The following GPATCH2 variants were observed in gnomAD, a reference collection of about 807,000 sequenced individuals.
GPATCH2 encodes G patch domain-containing protein 2.
Under a neutral mutation model 58.0 loss-of-function variants are expected in GPATCH2, and 51 were observed. The ratio of observed to expected loss-of-function variants is 0.88; its 90% CI spans 0.70 to 1.11. The LOEUF (loss-of-function observed/expected upper bound fraction) is 1.11, where lower values mean the gene tolerates loss of function less well. Among genes scored for constraint, GPATCH2 ranks in the 50% most tolerant of loss-of-function variants. The pLI is 0.00. For synonymous variants in GPATCH2, 222 were observed against 218.5 expected (o/e 1.02, Z -0.14); for missense variants, 625 against 652.2 (o/e 0.96, Z 0.45).
intron 9 of GPATCH2, among the ~76,000 whole-genome samples, chr1:217,432,626 T>C (rs371798029): frequency 2.6e-5 from 4 of 152,176 alleles, no homozygotes; most frequent in Non-Finnish European, 4.4e-5. Context: ...AAAGGGAATA[T>C]AGTAAATCTG....
chr1:217,466,939 G>C (rs1160429400), intron 8 of GPATCH2, among the ~76,000 whole-genome samples: 1 of 152,218 alleles, frequency 6.6e-6, no homozygotes, highest in Non-Finnish European at 1.5e-5. Flanking sequence ...TTGCGAGGCT[G>C]AGGCAGGCGG....
At chr1:217,524,251 C>T (rs1342426478) in intron 5 of GPATCH2, among the ~76,000 whole-genome samples, 1 of 149,206 alleles carries the variant, frequency 6.7e-6, no homozygotes, top group Non-Finnish European at 1.5e-5. Context: ...GGTCTCCTCA[C>T]TTCTCAGACG....
intron 2 of GPATCH2, among the ~76,000 whole-genome samples, chr1:217,616,973 A>G (rs1022916745): frequency 1.3e-5 from 2 of 152,158 alleles, no homozygotes; most frequent in Non-Finnish European, 2.9e-5. Context: ...CTCTGCTATC[A>G]TATCGTAATT....
intron 8 of GPATCH2, among the ~76,000 whole-genome samples, chr1:217,459,268 T>C (rs1660092773): frequency 6.6e-6 from 1 of 152,196 alleles, no homozygotes; most frequent in Non-Finnish European, 1.5e-5. Flanking sequence ...CATAACCTAA[T>C]GTAGGAAATG....
At chr1:217,604,615 T>A (rs908734644) in intron 5 of GPATCH2, among the ~76,000 whole-genome samples, 5 of 152,196 alleles carry the variant, frequency 3.3e-5, no homozygotes, top group African/African-American at 1.2e-4. Flanking sequence ...CATGGTCAAA[T>A]TACAGTTGAG....
At chr1:217,499,405 C>T (rs988994043) in intron 6 of GPATCH2, among the ~76,000 whole-genome samples, 12 of 152,118 alleles carry the variant, frequency 7.9e-5, no homozygotes, top group African/African-American at 2.4e-4. Flanking sequence ...CACCACACCA[C>T]GCTGCAGAAG....
At chr1:217,530,990 T>C (rs572637654) in intron 5 of GPATCH2, among the ~76,000 whole-genome samples, 1 of 152,018 alleles carries the variant, frequency 6.6e-6, no homozygotes, top group Admixed American at 6.6e-5. Context: ...TACATGGTAT[T>C]CAGTTGTTGG....
At chr1:217,581,186 G>A (rs1196141827) in intron 5 of GPATCH2, among the ~76,000 whole-genome samples, 1 of 152,136 alleles carries the variant, frequency 6.6e-6, no homozygotes, top group Admixed American at 6.5e-5. Context: ...CTAGCCTCAC[G>A]GTCTGTGTCT....
At chr1:217,469,262 TC>T (rs1186463705) in intron 8 of GPATCH2, among the ~76,000 whole-genome samples, 1 of 152,134 alleles carries the variant, frequency 6.6e-6, no homozygotes, top group African/African-American at 2.4e-5. Context: ...GTTTGCCTTT[TC>T]CCCAAGCTCG....
rs575287485 is a variant in GPATCH2 at position 217,440,337 on chromosome 1, A to C, written c.1366+8912T>G. 1.6e-4 allele frequency among the ~76,000 whole-genome samples: 24 copies of C among 152,336 alleles called. No individual in the cohort carries two copies. In the South Asian group the frequency reaches 5.0e-3, roughly 32 times the overall value. ...CCCTACATACTAAAAACTCTCAATA[A>C]ACTAGGTATTGATGAAATGTATCTT... is the stretch of plus-strand genomic sequence containing the variant. On this transcript the variant is annotated intron_variant, in intron 9 of 9. Coordinates refer to ENST00000366935, the MANE Select transcript of GPATCH2 (RefSeq NM_018040.5).
At position 217,630,985 on chromosome 1, in the gene GPATCH2, G is replaced by A. The variant is rs1216957698; in HGVS notation, c.-14C>T. The A allele has an allele frequency of 3.8e-6, 6 of 1,581,604 alleles. No individual in the cohort carries two copies. The African/African-American group carries it at 4.0e-5, about 11-fold the overall frequency. On this transcript the variant is annotated 5_prime_UTR_variant, in exon 1 of 10. Transcript: ENST00000366935. ...GGCCCCGAACATTAACGACACCCGG[G>A]AGCCTGGCCTCGAAGCTCAGGCCCG...
intron 1 of GPATCH2, among the ~76,000 whole-genome samples, chr1:217,628,855 G>C (rs1394253178): frequency 6.6e-5 from 10 of 151,982 alleles, no homozygotes; most frequent in Admixed American, 6.6e-4. Flanking sequence ...GCATCTAACT[G>C]CTAGGTTACA....
intron 5 of GPATCH2, among the ~76,000 whole-genome samples, chr1:217,563,893 A>C (rs1256976165): frequency 6.6e-6 from 1 of 151,896 alleles, no homozygotes; most frequent in East Asian, 1.9e-4. Context: ...CAAAATACAA[A>C]ATTAGCCAGG....
intron 5 of GPATCH2, among the ~76,000 whole-genome samples, chr1:217,559,580 AT>A: frequency 6.6e-6 from 1 of 152,172 alleles, no homozygotes; most frequent in Non-Finnish European, 1.5e-5. Context: ...GCTTAAGGAA[AT>A]GGAAAAAAGG....
At chr1:217,537,657 A>G (rs1664543543) in intron 5 of GPATCH2, among the ~76,000 whole-genome samples, 2 of 152,146 alleles carry the variant, frequency 1.3e-5, no homozygotes, top group African/African-American at 4.8e-5. Context: ...AAAAGAGTCA[A>G]ATTCATCAAA....
At chr1:217,442,684 A>G (rs1016099089) in intron 9 of GPATCH2, among the ~76,000 whole-genome samples, 1 of 152,164 alleles carries the variant, frequency 6.6e-6, no homozygotes, top group Non-Finnish European at 1.5e-5. Context: ...TTTGTTTGTT[A>G]TAAATCCAGC....
rs115556614 is a variant in GPATCH2, at chr1:217,554,627, C to T, written c.1099-39738G>A. ...AGGCACATTCTTTTATTTAATCTGA[C>T]ATAATCTAATCTTCCAGAAGTCAAA... On this transcript the variant is annotated intron_variant, in intron 5 of 9. Coordinates refer to ENST00000366935, the MANE Select transcript of GPATCH2 (RefSeq NM_018040.5). Among the ~76,000 whole-genome samples the T allele has an allele frequency of 5.9e-3, 899 of 152,246 alleles. 10 individuals carry two copies. The highest frequency in any genetic ancestry group is 0.02 in the African/African-American group (843 of 41,550).
At chr1:217,547,234 G>A (rs1665100693) in intron 5 of GPATCH2, among the ~76,000 whole-genome samples, 2 of 152,028 alleles carry the variant, frequency 1.3e-5, no homozygotes, top group African/African-American at 4.8e-5. Context: ...GTGGTGGTGG[G>A]CACCTGTAAT....
intron 5 of GPATCH2, among the ~76,000 whole-genome samples, chr1:217,578,461 A>G (rs1666911576): frequency 6.6e-6 from 1 of 152,168 alleles, no homozygotes; most frequent in Non-Finnish European, 1.5e-5. Flanking sequence ...TATGATGCCC[A>G]GGGTGGTCCT....
Sources: allele counts gnomAD v4.1 joint callset (sites outside exome capture counted in the v4.1 genomes callset), GRCh38; gene constraint gnomAD v4.1.1; transcripts MANE v1.5; gene names NCBI Gene and HGNC (gene_info 2026-07-23, HGNC 2026-07-21).